The following UTRN variants were observed in gnomAD, a reference collection of about 807,000 sequenced individuals.
The protein encoded by UTRN is dystrophin-related protein 1.
Under a neutral mutation model 463.9 loss-of-function variants are expected in UTRN, and 283 were observed. The observed-to-expected ratio is 0.61, with a 90% confidence interval of 0.55 to 0.67. UTRN has a LOEUF of 0.67. Ranked by LOEUF, UTRN falls within the 30% of genes least tolerant of loss-of-function variation. The pLI, the probability that UTRN is intolerant of heterozygous loss-of-function variation, is 0.00. For synonymous variants in UTRN, 1,442 were observed against 1,431.5 expected (o/e 1.01, Z -0.17); for missense variants, 3,922 against 4,084.3 (o/e 0.96, Z 1.08).
intron 2 of UTRN, among the ~76,000 whole-genome samples, chr6:144,310,143 G>A (rs892412363): frequency 1.3e-5 from 2 of 152,232 alleles, no homozygotes; most frequent in South Asian, 2.1e-4. Flanking sequence ...CACATAGTAT[G>A]TGCTCAATAA....
chr6:144,846,691 G>A, intron 73 of UTRN, 114 bp from the exon 74 acceptor site: 1 of 1,396,296 alleles, frequency 7.2e-7, no homozygotes, highest in Non-Finnish European at 1.0e-6. Context: ...TTAACAACTG[G>A]GCTATTATTA....
intron 2 of UTRN, among the ~76,000 whole-genome samples, chr6:144,365,823 C>T (rs527287986): frequency 6.6e-4 from 100 of 152,226 alleles, no homozygotes; most frequent in African/African-American, 2.0e-3. Context: ...CTGCAACCTC[C>T]GCCTCCTGGG....
chr6:144,396,376 TATGGGGACTTATTGCTTA>T (rs1407440885), intron 2 of UTRN, among the ~76,000 whole-genome samples: 3 of 152,084 alleles, frequency 2.0e-5, no homozygotes, highest in Admixed American at 1.3e-4. Flanking sequence ...GGCTGGTGGG[TATGGGGACTTATTGCTTA>T]ATGACAGCAG....
intron 49 of UTRN, among the ~76,000 whole-genome samples, chr6:144,555,845 A>G (rs535381427): frequency 3.8e-4 from 58 of 152,290 alleles, no homozygotes; most frequent in African/African-American, 1.3e-3. Context: ...TCCAAACCAT[A>G]TTACTTACTT....
intron 73 of UTRN, among the ~76,000 whole-genome samples, chr6:144,842,232 A>T (rs953102642): frequency 3.9e-5 from 6 of 152,204 alleles, no homozygotes; most frequent in African/African-American, 1.2e-4. Flanking sequence ...ACTGTATAGA[A>T]CTTTGTAATT....
chr6:144,478,666 A>G (rs1022233548), intron 25 of UTRN, among the ~76,000 whole-genome samples: 3 of 152,194 alleles, frequency 2.0e-5, no homozygotes, highest in South Asian at 2.1e-4. Flanking sequence ...TGTGAGAACC[A>G]TCCAGCTCCT....
Position 144,751,902 on chromosome 6 carries a change from A to C in UTRN, c.8305A>C (p.Lys2769Gln). Residue 2769 changes from lysine (K) to glutamine (Q), a missense_variant, in exon 56 of 75, where the codon AAG becomes CAG. Physicochemically the swap from Lys to Gln is moderately conservative, Grantham distance 53. This residue lies in a region of UTRN where 1,309 missense variants were observed against 1,452.6 expected (regional missense o/e 0.90). Transcript: ENST00000367545. ...TCCACTTGACCTGCATCCCTCTCTA[A>C]AGATGTCTCGCCAGCTAGATGACCT... ...LSPLDLHPSL[K>Q]MSRQLDDLNM... The C allele has an allele frequency of 1.9e-6, 3 of 1,611,800 alleles. No homozygotes were observed. The highest frequency in any genetic ancestry group is 2.5e-6 in the Non-Finnish European group (3 of 1,178,956).
chr6:144,414,568 T>C (rs916690388), intron 3 of UTRN, among the ~76,000 whole-genome samples: 1 of 152,170 alleles, frequency 6.6e-6, no homozygotes, highest in African/African-American at 2.4e-5. Context: ...ATAAATTTAG[T>C]GTAGCCTAAG....
chr6:144,315,348 T>C (rs2114568708), intron 2 of UTRN, among the ~76,000 whole-genome samples: 1 of 152,268 alleles, frequency 6.6e-6, no homozygotes, highest in Non-Finnish European at 1.5e-5. Context: ...GTCAGGGCAC[T>C]GTTCCAGGAC....
intron 60 of UTRN, among the ~76,000 whole-genome samples, chr6:144,777,176 G>A (rs1037356118): frequency 2.0e-5 from 3 of 152,056 alleles, no homozygotes; most frequent in Non-Finnish European, 4.4e-5. Context: ...GAGTTTGAAG[G>A]TTATATAGCA....
chr6:144,782,035 G>A lies in UTRN; in HGVS notation c.8746G>A (p.Asp2916Asn), dbSNP rs1365521400. 6.2e-7 allele frequency: 1 copy of A among 1,614,032 alleles called. No individual in the cohort carries two copies. The highest frequency in any genetic ancestry group is 8.5e-7 in the Non-Finnish European group (1 of 1,179,980). Residue 2916 changes from aspartate (D) to asparagine (N), a missense_variant, in exon 61 of 75, where the codon GAT becomes AAT. By Grantham distance (23) the Asp-to-Asn change is conservative. Transcript: ENST00000367545. ...DVINCLTTTY[D>N]GLEQMHKDLV... Reference sequence around the variant, plus strand: ...CATCAACTGTCTGACAACAACTTATGATGGACTTGAGCAAATGCATAAGGA... The same window carrying A: ...CATCAACTGTCTGACAACAACTTATAATGGACTTGAGCAAATGCATAAGGA...
chr6:144,434,212 G>A (rs769612877), intron 9 of UTRN, among the ~76,000 whole-genome samples: 22 of 152,206 alleles, frequency 1.4e-4, no homozygotes, highest in Non-Finnish European at 2.5e-4. Flanking sequence ...GCGTGGTGGC[G>A]CGCACCTGCA....
At chr6:144,815,283 A>G (rs570658154) in intron 65 of UTRN, among the ~76,000 whole-genome samples, 48 of 152,378 alleles carry the variant, frequency 3.2e-4, no homozygotes, top group Non-Finnish European at 6.2e-4. Flanking sequence ...ACTGTACCAC[A>G]GAGTACCTAA....
At chr6:144,397,648 G>C (rs909106059) in intron 2 of UTRN, among the ~76,000 whole-genome samples, 2 of 152,052 alleles carry the variant, frequency 1.3e-5, no homozygotes, top group African/African-American at 4.8e-5. Flanking sequence ...TATTGAGTCT[G>C]AGGCTGAAAT....
intron 2 of UTRN, among the ~76,000 whole-genome samples, chr6:144,390,756 C>T (rs1385712701): frequency 6.6e-6 from 1 of 152,200 alleles, no homozygotes; most frequent in Non-Finnish European, 1.5e-5. Flanking sequence ...ATCCCCTTTT[C>T]ATCCCCATCA....
intron 38 of UTRN, 27 bp from the exon 39 acceptor site, chr6:144,516,784 A>ATTT: frequency 1.5e-6 from 2 of 1,305,340 alleles, no homozygotes; most frequent in South Asian, 2.0e-5. Flanking sequence ...CTTTTGAGTC[A>ATTT]TTTTTTTTTT....
chr6:144,728,850 A>G (rs1261051109), intron 53 of UTRN, among the ~76,000 whole-genome samples: 3 of 152,182 alleles, frequency 2.0e-5, no homozygotes, highest in South Asian at 2.1e-4. Flanking sequence ...AATATTTACA[A>G]TGCTTACACA....
Position 144,447,319 on chromosome 6 carries a change from G to GT in UTRN, c.1722+2dup. 1.2e-6 allele frequency: 2 copies of GT among 1,612,192 alleles called. No individual in the cohort carries two copies. The highest frequency in any genetic ancestry group is 1.1e-5 in the South Asian group (1 of 90,846). Reference sequence around the variant, plus strand: ...AAGTGTCAGTGTTCGACGTCTGGCTGTAAGTGATGGGGTTGTCAGCATCTG... The same window carrying GT: ...AAGTGTCAGTGTTCGACGTCTGGCTGTTAAGTGATGGGGTTGTCAGCATCTG... On this transcript the variant is annotated splice_donor_variant, in intron 15 of 74. Coordinates refer to ENST00000367545, the MANE Select transcript of UTRN (RefSeq NM_007124.3). LOFTEE classifies it high-confidence loss of function.
intron 19 of UTRN, among the ~76,000 whole-genome samples, chr6:144,456,653 AAATAATAATAATAATAATAATAATAAT>A (rs57694055): frequency 7.1e-6 from 1 of 140,592 alleles, no homozygotes; most frequent in Non-Finnish European, 1.5e-5. Flanking sequence ...CTCTGTCTCA[AAATAATAATAATAATAATAATAATAAT>A]AATAATAATA....
Sources: gnomAD v4.1 joint callset for allele counts (sites outside exome capture counted in the v4.1 genomes callset) on GRCh38, gnomAD v4.1.1 for gene constraint, gnomAD v4.1.1 regional missense constraint, MANE v1.5 for transcripts, NCBI Gene and HGNC (gene_info 2026-07-23, HGNC 2026-07-21) for gene names.